Variants in C9orf43 observed in about 807,000 individuals in gnomAD.
The protein encoded by C9orf43 is chromosome 9 open reading frame 43.
C9orf43 carries 45 observed loss-of-function variants against 59.1 expected under a neutral mutation model. The ratio of observed to expected loss-of-function variants is 0.76; its 90% CI spans 0.60 to 0.98. C9orf43 has a LOEUF of 0.98. Among genes scored for constraint, C9orf43 ranks in the 50% least tolerant of loss-of-function variants. C9orf43 has a pLI of 0.00. For missense variants in C9orf43, 533 were observed against 554.9 expected (o/e 0.96, Z 0.40); for synonymous variants, 203 against 196.8 (o/e 1.03, Z -0.26).
chr9:113,414,338 G>T (rs757281115), intron 3 of C9orf43, among the ~76,000 whole-genome samples: 2 of 151,960 alleles, frequency 1.3e-5, no homozygotes, highest in East Asian at 3.9e-4. Context: ...GCAATGGTGC[G>T]ATCATAGCTC....
intron 3 of C9orf43, among the ~76,000 whole-genome samples, chr9:113,417,741 G>A (rs537477792): frequency 6.6e-6 from 1 of 152,330 alleles, no homozygotes; most frequent in South Asian, 2.1e-4. Context: ...TTGGAGGCAA[G>A]AGGAAATTGT....
intron 11 of C9orf43, 27 bp downstream of exon 11, chr9:113,425,757 G>A (rs748293105): frequency 1.9e-6 from 3 of 1,572,166 alleles, no homozygotes; most frequent in Admixed American, 1.7e-5. Context: ...CTTGGTTGGG[G>A]GTGATAGGAT....
At chr9:113,425,279 G>T in intron 9 of C9orf43, 65 bp from the exon 10 acceptor site, 1 of 1,600,576 alleles carries the variant, frequency 6.2e-7, no homozygotes, top group South Asian at 1.1e-5. Flanking sequence ...GGAAGGCACA[G>T]CAGGCATTCC....
At chr9:113,422,323 T>C (rs1011958165) in intron 5 of C9orf43, among the ~76,000 whole-genome samples, 7 of 152,164 alleles carry the variant, frequency 4.6e-5, no homozygotes, top group African/African-American at 1.7e-4. Flanking sequence ...AATTTAGATA[T>C]GAGGATGGGG....
In C9orf43 at chr9:113,428,888, A is replaced by G; in HGVS notation, c.1108-12A>G. 4.3e-6 allele frequency: 7 copies of G among 1,609,200 alleles called. No homozygotes were observed. The South Asian group carries it at 5.5e-5, about 13-fold the overall frequency. On this transcript the variant is annotated splice_polypyrimidine_tract_variant and intron_variant, in intron 12 of 13. Coordinates refer to ENST00000374165, the MANE Select transcript of C9orf43 (RefSeq NM_001278629.2). Reference sequence around the variant, plus strand: ...CTTGATTCAAATTTCCTTATACCCCAATGAATTTCAGGATTCCACGGAGAG... The same window carrying G: ...CTTGATTCAAATTTCCTTATACCCCGATGAATTTCAGGATTCCACGGAGAG...
intron 5 of C9orf43, among the ~76,000 whole-genome samples, chr9:113,421,428 G>A (rs765920761): frequency 5.3e-5 from 8 of 151,086 alleles, no homozygotes; most frequent in Non-Finnish European, 1.2e-4. Flanking sequence ...AATTTTACAC[G>A]GCAGTAAATA....
intron 3 of C9orf43, among the ~76,000 whole-genome samples, chr9:113,415,079 G>T (rs560429413): frequency 6.6e-6 from 1 of 152,056 alleles, no homozygotes; most frequent in African/African-American, 2.4e-5. Context: ...TGATCCACCC[G>T]CCTCAGCCTC....
intron 3 of C9orf43, among the ~76,000 whole-genome samples, 174 bp downstream of exon 3, chr9:113,414,068 C>G (rs1020004983): frequency 1.4e-4 from 22 of 152,050 alleles, no homozygotes; most frequent in African/African-American, 5.3e-4. Flanking sequence ...CTGCTTGTGC[C>G]CTAGGAATTG....
At position 113,428,134 on chromosome 9, in the gene C9orf43, C is replaced by G. The variant is rs761528886; in HGVS notation, c.1031-13C>G. 1.9e-6 allele frequency: 3 copies of G among 1,614,014 alleles called. No homozygotes were observed. Among genetic ancestry groups the G allele is most frequent in the South Asian group, 1.1e-5 (1 of 91,070 alleles). On this transcript the variant is annotated splice_polypyrimidine_tract_variant and intron_variant, in intron 11 of 13. Coordinates refer to ENST00000374165, the MANE Select transcript of C9orf43 (RefSeq NM_001278629.2). ...TAATAAGAGGAAGATTGAATGGACT[C>G]TTTGGTTACTAGGTTACAGAACTCT...
At chr9:113,426,999 A>G (rs1828816208) in intron 11 of C9orf43, among the ~76,000 whole-genome samples, 1 of 152,144 alleles carries the variant, frequency 6.6e-6, no homozygotes, top group African/African-American at 2.4e-5. Context: ...GCTGCTCAGG[A>G]AACACTGAGC....
chr9:113,413,201 C>T (rs904074487), intron 1 of C9orf43, among the ~76,000 whole-genome samples: 1 of 152,164 alleles, frequency 6.6e-6, no homozygotes, highest in African/African-American at 2.4e-5. Flanking sequence ...TGGTTAAGTC[C>T]CAGGTCACTC....
chr9:113,422,900 G>C (rs1471952436), intron 6 of C9orf43, among the ~76,000 whole-genome samples: 1 of 152,118 alleles, frequency 6.6e-6, no homozygotes, highest in East Asian at 1.9e-4. Context: ...TGGACTAGGG[G>C]TTATAAGACC....
rs1225906816 is a variant in C9orf43 at position 113,429,123 on chromosome 9, T to C, written c.1172-49T>C. 4.4e-6 allele frequency: 7 copies of C among 1,574,944 alleles called. No individual in the cohort carries two copies. In the African/African-American group the frequency reaches 5.4e-5, roughly 12 times the overall value. On this transcript the variant is annotated intron_variant, in intron 13 of 13. Coordinates refer to ENST00000374165, the MANE Select transcript of C9orf43 (RefSeq NM_001278629.2). ...TTCCTTTTCTGTCCTCCATTTGTTG[T>C]AGTTGAGAGGAGTTTACAGGTGCAA...
chr9:113,423,247 T>G, intron 6 of C9orf43, 79 bp from the exon 7 acceptor site: 76 of 1,426,386 alleles, frequency 5.3e-5, no homozygotes, highest in South Asian at 6.5e-5. Context: ...AGGGTAGTGT[T>G]GAGAGGCTAG....
rs1261268651 is a variant in C9orf43, at chr9:113,428,297, AC to A, written c.1107+76del. 3.0e-6 allele frequency: 4 copies of A among 1,352,072 alleles called. No homozygotes were observed. The African/African-American group carries it at 5.7e-5, about 19-fold the overall frequency. The allele number at this position is 1,352,072 out of a possible 1,614,324, so 83.8% of individuals were successfully genotyped here. ...TACTATGTAACAACCCCAAAGCTTA[AC>A]CATAATGATTTGCTATTGCTAATGA... is the stretch of plus-strand genomic sequence containing the variant. On this transcript the variant is annotated intron_variant, in intron 12 of 13. Transcript: ENST00000374165.
rs79843647 is a variant in C9orf43, at chr9:113,428,886, C to G, written c.1108-14C>G. The G allele has an allele frequency of 3.3e-4, 526 of 1,607,476 alleles. 2 individuals carry two copies. The African/African-American group carries it at 6.2e-3, about 19-fold the overall frequency. The stretch of plus-strand genomic sequence containing the variant: ...GTCTTGATTCAAATTTCCTTATACC[C>G]CAATGAATTTCAGGATTCCACGGAG... On this transcript the variant is annotated splice_polypyrimidine_tract_variant and intron_variant, in intron 12 of 13. Coordinates refer to ENST00000374165, the MANE Select transcript of C9orf43 (RefSeq NM_001278629.2).
chr9:113,425,532 A>C (rs1828755733), intron 10 of C9orf43, 111 bp from the exon 11 acceptor site: 1 of 1,488,322 alleles, frequency 6.7e-7, no homozygotes, highest in Non-Finnish European at 9.1e-7. Context: ...TATAGATAAA[A>C]AGTTCTTGTC....
chr9:113,411,026 A>G (rs1375043201), intron 1 of C9orf43, 25 bp downstream of exon 1: 25 of 984,970 alleles, frequency 2.5e-5, no homozygotes, highest in South Asian at 2.3e-4. Context: ...TGTTATTTAG[A>G]TTTTATTGTT....
Position 113,410,855 on chromosome 9 carries a change from T to C in C9orf43, c.-196T>C, listed in dbSNP as rs1421972702. ...AACCCTAAGCGGTTTGGAATCTGCT[T>C]TGCTCTCACAGGACCTCAGCCCGTC... On this transcript the variant is annotated 5_prime_UTR_variant, in exon 1 of 14. Transcript: ENST00000374165. 2.6e-6 allele frequency: 2 copies of C among 779,134 alleles called. No homozygotes were observed. Among genetic ancestry groups the C allele is most frequent in the African/African-American group, 1.9e-5 (1 of 53,080 alleles). The allele number at this position is 779,134 out of a possible 1,614,324, so 48.3% of individuals were successfully genotyped here.
Sources: allele counts gnomAD v4.1 joint callset (sites outside exome capture counted in the v4.1 genomes callset), GRCh38; gene constraint gnomAD v4.1.1; transcripts MANE v1.5; gene names NCBI Gene and HGNC (gene_info 2026-07-23, HGNC 2026-07-21).